The following GPC6 variants were observed in gnomAD, a reference collection of about 807,000 sequenced individuals.
GPC6 encodes glypican-6.
GPC6 carries 14 observed loss-of-function variants against 55.2 expected under a neutral mutation model. That is an observed-to-expected ratio of 0.25 (90% confidence interval 0.17 to 0.40). The LOEUF (loss-of-function observed/expected upper bound fraction) is 0.40, where lower values mean the gene tolerates loss of function less well. GPC6 is among the 10% of genes least tolerant of loss of function. GPC6 has a pLI of 1.00. For synonymous variants in GPC6, 278 were observed against 259.6 expected (o/e 1.07, Z -0.68); for missense variants, 641 against 708.5 (o/e 0.90, Z 1.08).
chr13:93,554,477 G>C (rs1409832024), intron 2 of GPC6, among the ~76,000 whole-genome samples: 3 of 152,106 alleles, frequency 2.0e-5, no homozygotes, highest in African/African-American at 4.8e-5. Flanking sequence ...TGGTAAGTGT[G>C]ATTGAATTTG....
chr13:93,775,031 G>T (rs920289650), intron 2 of GPC6, among the ~76,000 whole-genome samples: 3 of 152,124 alleles, frequency 2.0e-5, no homozygotes, highest in African/African-American at 7.2e-5. Flanking sequence ...AAACACAGAT[G>T]CCCAGAGATC....
intron 2 of GPC6, among the ~76,000 whole-genome samples, chr13:93,644,178 C>G (rs1880078043): frequency 6.6e-6 from 1 of 152,036 alleles, no homozygotes; most frequent in Non-Finnish European, 1.5e-5. Flanking sequence ...TTCCTTTAGG[C>G]TCAGAGTTAC....
At chr13:94,324,260 C>T (rs1430141968) in intron 6 of GPC6, among the ~76,000 whole-genome samples, 2 of 148,986 alleles carry the variant, frequency 1.3e-5, no homozygotes, top group East Asian at 2.0e-4. Flanking sequence ...CTGAGAGCAG[C>T]GTACATGCCT....
intron 4 of GPC6, among the ~76,000 whole-genome samples, chr13:94,129,909 A>G (rs1886949291): frequency 6.6e-6 from 1 of 152,184 alleles, no homozygotes; most frequent in East Asian, 1.9e-4. Context: ...ATAATGAACC[A>G]GGCAGGGTCT....
At chr13:94,228,835 T>G (rs1890636502) in intron 4 of GPC6, among the ~76,000 whole-genome samples, 1 of 148,496 alleles carries the variant, frequency 6.7e-6, no homozygotes, top group Non-Finnish European at 1.5e-5. Context: ...GAGTTTAAAA[T>G]GAGATTTTTC....
At chr13:93,415,949 C>T (rs1387227369) in intron 1 of GPC6, among the ~76,000 whole-genome samples, 1 of 152,030 alleles carries the variant, frequency 6.6e-6, no homozygotes, top group East Asian at 1.9e-4. Flanking sequence ...TTCAGTTTAT[C>T]AACATGACAT....
chr13:94,238,133 TAA>T (rs1422178433), intron 4 of GPC6, among the ~76,000 whole-genome samples: 2 of 152,144 alleles, frequency 1.3e-5, no homozygotes, highest in Non-Finnish European at 2.9e-5. Context: ...GGGATAGAAA[TAA>T]AGATTCCTTT....
chr13:94,187,936 T>G (rs1383571153), intron 4 of GPC6: 1 of 152,228 alleles, frequency 6.6e-6, no homozygotes, highest in African/African-American at 2.4e-5. Context: ...CCAGTGTCTC[T>G]GCCATTTTAT....
chr13:93,798,918 CA>C (rs57665046), intron 2 of GPC6, among the ~76,000 whole-genome samples: 5,774 of 86,132 alleles, frequency 0.067, 125 homozygotes, highest in African/African-American at 0.13. Context: ...GACTCTGTCT[CA>C]AAAAAAAAAA....
chr13:94,021,458 T>C (rs1006722076), intron 3 of GPC6, among the ~76,000 whole-genome samples: 2 of 152,036 alleles, frequency 1.3e-5, no homozygotes, highest in South Asian at 2.1e-4. Context: ...GCTAAGAACA[T>C]GCTATACCTC....
intron 1 of GPC6, among the ~76,000 whole-genome samples, chr13:93,379,354 T>G (rs1024849632): frequency 1.3e-5 from 2 of 152,240 alleles, no homozygotes; most frequent in African/African-American, 4.8e-5. Context: ...TAATTGCAGT[T>G]GATTATGTCT....
At chr13:93,868,483 C>T (rs1415778878) in intron 3 of GPC6, among the ~76,000 whole-genome samples, 3 of 151,834 alleles carry the variant, frequency 2.0e-5, no homozygotes, top group South Asian at 2.1e-4. Context: ...CTTAAGTGTA[C>T]AATTTCACAC....
At chr13:94,104,456 G>T (rs1187553438) in intron 4 of GPC6, among the ~76,000 whole-genome samples, 1 of 152,190 alleles carries the variant, frequency 6.6e-6, no homozygotes, top group African/African-American at 2.4e-5. Flanking sequence ...CATAGTGTTG[G>T]AAGTTCTGGC....
chr13:93,223,019 C>CTTTTTTTTTTTT (rs3073915), upstream of GPC6, among the ~76,000 whole-genome samples: 10 of 100,774 alleles, frequency 9.9e-5, no homozygotes, highest in South Asian at 7.8e-4. Flanking sequence ...AGGGAAAACA[C>CTTTTTTTTTTTT]TTTTTTTTTT....
chr13:93,588,339 G>A (rs1877302444), intron 2 of GPC6, among the ~76,000 whole-genome samples: 1 of 151,710 alleles, frequency 6.6e-6, no homozygotes, highest in Non-Finnish European at 1.5e-5. Context: ...AAAATGTAAG[G>A]CAGCTTTTAA....
chr13:94,006,502 T>C (rs963822819), intron 3 of GPC6, among the ~76,000 whole-genome samples: 2 of 152,220 alleles, frequency 1.3e-5, no homozygotes, highest in African/African-American at 4.8e-5. Context: ...TCATAGCCTG[T>C]ACTTTGTATG....
At position 93,442,003 on chromosome 13, in the gene GPC6, G is replaced by A. The variant is rs571019555; in HGVS notation, c.161-103260G>A. 8.4e-4 allele frequency among the ~76,000 whole-genome samples: 128 copies of A among 152,284 alleles called. 1 individual carries two copies. Among genetic ancestry groups the A allele is most frequent in the Admixed American group, 2.3e-3 (35 of 15,304 alleles). On this transcript the variant is annotated intron_variant, in intron 1 of 8. Transcript: ENST00000377047. ...ATGATGGTTCTCTGCTGGATAGAAC[G>A]ATCTGGATTTTAAACAGGAAAGGAT... is the stretch of plus-strand genomic sequence containing the variant.
chr13:93,502,732 C>G (rs1398531216), intron 1 of GPC6, among the ~76,000 whole-genome samples: 1 of 152,056 alleles, frequency 6.6e-6, no homozygotes, highest in African/African-American at 2.4e-5. Context: ...TCTAGACAAT[C>G]AGCAAAACAA....
intron 4 of GPC6, among the ~76,000 whole-genome samples, chr13:94,043,689 C>T (rs117240337): frequency 0.021 from 3,199 of 151,774 alleles, 47 homozygotes; most frequent in Non-Finnish European, 0.031. Context: ...ATGAGAAATC[C>T]GGTTTTCTTT....
Sources: allele counts gnomAD v4.1 joint callset (sites outside exome capture counted in the v4.1 genomes callset), GRCh38; gene constraint gnomAD v4.1.1; transcripts MANE v1.5; gene names NCBI Gene and HGNC (gene_info 2026-07-23, HGNC 2026-07-21).